The following LAG3 variants were observed in gnomAD, a reference collection of about 807,000 sequenced individuals.
LAG3 encodes the protein lymphocyte activation gene 3 protein.
A neutral mutation model predicts 49.0 loss-of-function variants in LAG3; 29 were observed. The observed-to-expected ratio is 0.59, with a 90% CI of 0.44 to 0.81. The LOEUF (loss-of-function observed/expected upper bound fraction) is 0.81, where lower values mean the gene tolerates loss of function less well. Among genes scored for constraint, LAG3 ranks in the 30% least tolerant of loss-of-function variants. LAG3 has a pLI of 0.00. For synonymous variants in LAG3, 320 were observed against 297.3 expected (o/e 1.08, Z -0.79); for missense variants, 693 against 695.2 (o/e 1.00, Z 0.04).
At position 6,775,339 on chromosome 12, in the gene LAG3, G is replaced by T. The variant is rs201789511; in HGVS notation, c.848G>T (p.Arg283Leu). The T allele has an allele frequency of 6.2e-7, 1 of 1,614,178 alleles. No homozygotes were observed. Among genetic ancestry groups the T allele is most frequent in the Non-Finnish European group, 8.5e-7 (1 of 1,180,030 alleles). Residue 283 changes from arginine (R) to leucine (L), a missense_variant, in exon 5 of 8, where the codon CGC (arginine) becomes CTC (leucine). Coordinates refer to ENST00000203629, the MANE Select transcript of LAG3 (RefSeq NM_002286.6). The part of the protein sequence containing the change: ...GAGSRVGLPC[R>L]LPAGVGTRSF... ...GGTTCCAGGGTGGGGCTGCCCTGCC[G>T]CCTGCCTGCTGGTGTGGGGACCCGG...
At chr12:6,775,184 GA>G (rs1359347872) in intron 4 of LAG3, 88 bp from the exon 5 acceptor site, 5 of 1,391,716 alleles carry the variant, frequency 3.6e-6, no homozygotes, top group Middle Eastern at 2.6e-4. Flanking sequence ...ACCATCTCCT[GA>G]ATTCTTCTGC....
At chr12:6,777,169 A>G in intron 5 of LAG3, 95 bp from the exon 6 acceptor site, 1 of 1,468,376 alleles carries the variant, frequency 6.8e-7, no homozygotes, top group South Asian at 1.2e-5. Context: ...CCAGAACCCA[A>G]GTGAGTGCAG....
intron 4 of LAG3, 44 bp from the exon 5 acceptor site, chr12:6,775,229 A>T (rs757244532): frequency 3.6e-5 from 57 of 1,584,268 alleles, no homozygotes; most frequent in Non-Finnish European, 4.7e-5. Context: ...CTCCCTCCCC[A>T]CTGCAGCACC....
intron 4 of LAG3, 73 bp downstream of exon 4, chr12:6,774,937 G>A: frequency 6.8e-7 from 1 of 1,469,876 alleles, no homozygotes; most frequent in Admixed American, 1.9e-5. Context: ...CCTAACTATG[G>A]GTCCCCAAAC....
Position 6,777,353 on chromosome 12 carries a change from A to G in LAG3, c.1147A>G (p.Ser383Gly), listed in dbSNP as rs1166072475. ...PVSGQERFVW[S>G]SLDTPSQRSF... Reference sequence around the variant, plus strand: ...ATCTGGACAAGAACGCTTTGTGTGGAGCTCTCTGGACACCCCATCCCAGAG... The same window carrying G: ...ATCTGGACAAGAACGCTTTGTGTGGGGCTCTCTGGACACCCCATCCCAGAG... Residue 383 changes from serine to glycine, a missense_variant, in exon 6 of 8, where the codon AGC becomes GGC. By Grantham distance (56) the Ser-to-Gly change is moderately conservative (BLOSUM62 0). Coordinates refer to ENST00000203629, the MANE Select transcript of LAG3 (RefSeq NM_002286.6). 5.0e-6 allele frequency: 8 copies of G among 1,614,072 alleles called. No homozygotes were observed. The Admixed American group carries it at 6.7e-5, about 13-fold the overall frequency.
chr12:6,778,087 G>T, intron 7 of LAG3, 157 bp from the exon 8 acceptor site: 1 of 1,323,646 alleles, frequency 7.6e-7, no homozygotes. Flanking sequence ...GCTTGTGCCT[G>T]GGTAGGCTGG....
chr12:6,777,540 C>T, intron 6 of LAG3, 34 bp downstream of exon 6: 3 of 1,606,030 alleles, frequency 1.9e-6, no homozygotes, highest in Non-Finnish European at 2.6e-6. Context: ...ACCCAAACGC[C>T]ACAGCAATAA....
At position 6,773,756 on chromosome 12, in the gene LAG3, C is replaced by T; in HGVS notation, c.266C>T (p.Pro89Leu). The change falls in exon 3 of 8, where the codon CCC (proline) becomes CTC (leucine). Residue 89 changes from proline (P) to leucine (L), a missense_variant. Transcript: ENST00000203629. The surrounding 1 kb of genome is among the most constrained non-coding windows in gnomAD (Gnocchi z 5.5). Reference sequence around the variant, plus strand: ...GCCCCCGGCCCTCACCCGGCGGCGCCCTCCTCCTGGGGGCCCAGGCCCCGC... The same window carrying T: ...GCCCCCGGCCCTCACCCGGCGGCGCTCTCCTCCTGGGGGCCCAGGCCCCGC... ...PLAPGPHPAA[P>L]SSWGPRPRRY... is the part of the protein sequence containing the mutation. 7.5e-7 allele frequency: 1 copy of T among 1,327,188 alleles called. No individual in the cohort carries two copies. The highest frequency in any genetic ancestry group is 9.6e-7 in the Non-Finnish European group (1 of 1,045,196). 82.2% of individuals were successfully genotyped at this position (1,327,188 alleles called of 1,614,324 possible).
intron 1 of LAG3, 41 bp downstream of exon 1, chr12:6,772,951 A>G: frequency 3.8e-6 from 6 of 1,596,000 alleles, no homozygotes; most frequent in Non-Finnish European, 5.2e-6. Flanking sequence ...CCAGCCCCAC[A>G]GGAGGGGACC....
Position 6,775,452 on chromosome 12 carries a change from G to A in LAG3, c.961G>A (p.Glu321Lys). Residue 321 changes from glutamate to lysine, a missense_variant, in exon 5 of 8, where the codon GAG becomes AAG. Coordinates refer to ENST00000203629, the MANE Select transcript of LAG3 (RefSeq NM_002286.6). ...GDNGDFTLRL[E>K]DVSQAQAGTY... ...CAATGGCGACTTTACCCTTCGACTA[G>A]AGGATGTGAGCCAGGCCCAGGCTGG... 1.2e-6 allele frequency: 2 copies of A among 1,614,126 alleles called. No individual in the cohort carries two copies. Among genetic ancestry groups the A allele is most frequent in the Non-Finnish European group, 1.7e-6 (2 of 1,180,014 alleles).
chr12:6,777,204 C>T, intron 5 of LAG3, 60 bp from the exon 6 acceptor site: 1 of 1,601,852 alleles, frequency 6.2e-7, no homozygotes. Flanking sequence ...GGGGTTCAAC[C>T]TGTGATATCA....
At chr12:6,774,141 G>A (rs541585034) in intron 3 of LAG3, 140 bp downstream of exon 3, 1 of 1,299,888 alleles carries the variant, frequency 7.7e-7, no homozygotes, top group Non-Finnish European at 9.8e-7. Flanking sequence ...GAAGGGGGTG[G>A]GCGGCCTGCT....
In LAG3 at chr12:6,773,846, G is replaced by A. The variant is rs778281775; in HGVS notation, c.356G>A (p.Arg119His). The A allele has an allele frequency of 1.4e-6, 2 of 1,409,962 alleles. No individual in the cohort carries two copies. The highest frequency in any genetic ancestry group is 1.5e-5 in the South Asian group (1 of 67,532). 87.3% of individuals were successfully genotyped at this position (1,409,962 alleles called of 1,614,324 possible). A position where few individuals can be genotyped will look rare whatever the true frequency, so the allele number is the denominator to read the frequency against. Reference protein sequence around the residue: ...LRSGRLPLQPRVQLDERGRQR... With the variant: ...LRSGRLPLQPHVQLDERGRQR... ...AGCGGGAGGCTGCCCCTGCAGCCCC[G>A]CGTCCAGCTGGATGAGCGCGGCCGG... Residue 119 changes from arginine to histidine, a missense_variant, in exon 3 of 8, where the codon CGC becomes CAC. Arg to His is a conservative substitution (Grantham distance 29). Coordinates refer to ENST00000203629, the MANE Select transcript of LAG3 (RefSeq NM_002286.6). This position sits in a 1 kb window ranked among gnomAD's most constrained non-coding sequence, Gnocchi z 5.5.
Position 6,773,681 on chromosome 12 carries a change from T to C in LAG3, c.207-16T>C. On this transcript the variant is annotated splice_polypyrimidine_tract_variant and intron_variant, in intron 2 of 7. Transcript: ENST00000203629. The surrounding 1 kb of genome is among the most constrained non-coding windows in gnomAD (Gnocchi z 5.5). ...TACCCCTGGAGCTTCTCAACTCCAT[T>C]CTCTTTCCCGCCCAGTGGCCCGCCC... 5.1e-6 allele frequency: 7 copies of C among 1,362,058 alleles called. No homozygotes were observed. Among genetic ancestry groups the C allele is most frequent in the Non-Finnish European group, 6.6e-6 (7 of 1,064,380 alleles). The allele number at this position is 1,362,058 out of a possible 1,614,324, so 84.4% of individuals were successfully genotyped here. A position where few individuals can be genotyped will look rare whatever the true frequency, so the allele number is the denominator to read the frequency against.
rs562483761 is a variant in LAG3 at position 6,773,442 on chromosome 12, A to G, written c.206+103A>G. 3.1e-5 allele frequency: 43 copies of G among 1,400,462 alleles called. No individual in the cohort carries two copies. The highest frequency in any genetic ancestry group is 4.0e-5 in the Non-Finnish European group (41 of 1,025,294). 86.8% of individuals were successfully genotyped at this position (1,400,462 alleles called of 1,614,324 possible). ...TGCCCTGAGGTGTCACTCCCTCTGA[A>G]GCCAGTGACCCAGTCTCCCTGCCCT... On this transcript the variant is annotated intron_variant, in intron 2 of 7. Coordinates refer to ENST00000203629, the MANE Select transcript of LAG3 (RefSeq NM_002286.6). This position sits in a 1 kb window ranked among gnomAD's most constrained non-coding sequence, Gnocchi z 5.5.
chr12:6,774,094 C>T (rs1238373136), intron 3 of LAG3, 93 bp downstream of exon 3: 21 of 1,339,052 alleles, frequency 1.6e-5, no homozygotes, highest in Non-Finnish European at 1.2e-5. Context: ...AGAGGCTGCG[C>T]CCTAGGCCCT....
chr12:6,776,465 T>G (rs1213526251), intron 5 of LAG3, among the ~76,000 whole-genome samples: 5 of 152,188 alleles, frequency 3.3e-5, no homozygotes, highest in Non-Finnish European at 1.5e-5. Context: ...AGAGAGATAC[T>G]GTTACCCCGA....
chr12:6,772,654 T>A lies in LAG3; in HGVS notation c.-199T>A. ...TGCCTGATCTGCCCAGCTTTCCAGC[T>A]TTCCTCTGGATTCCGGCCTCTGGTC... On this transcript the variant is annotated 5_prime_UTR_variant, in exon 1 of 8. Transcript: ENST00000203629. 2.2e-6 allele frequency: 1 copy of A among 444,980 alleles called. No individual in the cohort carries two copies. Among genetic ancestry groups the A allele is most frequent in the Non-Finnish European group, 4.1e-6 (1 of 245,458 alleles). The allele number at this position is 444,980 out of a possible 1,614,324, so 27.6% of individuals were successfully genotyped here. A position where few individuals can be genotyped will look rare whatever the true frequency, so the allele number is the denominator to read the frequency against.
intron 5 of LAG3, among the ~76,000 whole-genome samples, chr12:6,776,919 G>A (rs1433401290): frequency 6.6e-6 from 1 of 152,136 alleles, no homozygotes; most frequent in Non-Finnish European, 1.5e-5. Context: ...AGCAGGGGAG[G>A]GAGCTGACTA....
Sources: allele counts gnomAD v4.1 joint callset (sites outside exome capture counted in the v4.1 genomes callset), GRCh38; gene constraint gnomAD v4.1.1; non-coding constraint Gnocchi (gnomAD v3.1); transcripts MANE v1.5; gene names NCBI Gene and HGNC (gene_info 2026-07-23, HGNC 2026-07-21).